The following TEAD1 variants were observed in gnomAD, a reference collection of about 807,000 sequenced individuals.
The protein encoded by TEAD1 is transcriptional enhancer factor TEF-1.
In TEAD1, 9 loss-of-function variants were observed where a neutral mutation model predicts 54.9. The ratio of observed to expected loss-of-function variants is 0.16; its 90% CI spans 0.10 to 0.29. TEAD1 has a LOEUF of 0.29. TEAD1 is among the 10% of genes least tolerant of loss of function. The pLI is 1.00. For synonymous variants in TEAD1, 200 were observed against 187.8 expected, an observed-to-expected ratio of 1.07 and a Z score of -0.53; for missense variants, 387 against 535.9, an observed-to-expected ratio of 0.72 and a Z score of 2.74.
intron 10 of TEAD1, among the ~76,000 whole-genome samples, chr11:12,912,895 A>G (rs1327862319): frequency 6.6e-6 from 1 of 152,092 alleles, no homozygotes; most frequent in Non-Finnish European, 1.5e-5. Context: ...TGTGATTGCT[A>G]AGAAAGCCCA....
intron 9 of TEAD1, among the ~76,000 whole-genome samples, chr11:12,891,945 C>A (rs1038910937): frequency 3.0e-4 from 46 of 152,260 alleles, no homozygotes; most frequent in African/African-American, 1.1e-3. Flanking sequence ...TGGCCCTTAT[C>A]TTTATTCCAA....
chr11:12,772,691 A>C (rs1044472253), intron 3 of TEAD1, among the ~76,000 whole-genome samples: 1 of 152,196 alleles, frequency 6.6e-6, no homozygotes, highest in African/African-American at 2.4e-5. Context: ...TCCTTTATGC[A>C]TGTTGCCCAT....
rs1031997413 is a variant in TEAD1, at chr11:12,931,984, T to C, written c.1167+1658T>C. Among the ~76,000 whole-genome samples, 4 of 152,110 alleles carry C rather than the reference T, an allele frequency of 2.6e-5. No homozygotes were observed. The East Asian group carries it at 7.7e-4, about 29-fold the overall frequency. On this transcript the variant is annotated intron_variant, in intron 12 of 12. Transcript: ENST00000527636. ...GGTAGAGACCCACTGCTGTAAGAGA[T>C]TGGGAAATGAGCCGCAAGGACTCTC...
intron 2 of TEAD1, among the ~76,000 whole-genome samples, chr11:12,712,925 G>A (rs575831094): frequency 6.6e-6 from 1 of 152,294 alleles, no homozygotes; most frequent in Non-Finnish European, 1.5e-5. Flanking sequence ...AAGCTAAGTT[G>A]GAAAGGTCTT....
intron 9 of TEAD1, among the ~76,000 whole-genome samples, chr11:12,889,490 C>A (rs1948154488): frequency 6.6e-6 from 1 of 152,136 alleles, no homozygotes; most frequent in Admixed American, 6.5e-5. Flanking sequence ...GTCTGGATGC[C>A]ATAGTGAGCA....
At chr11:12,896,811 A>G (rs544394089) in intron 9 of TEAD1, among the ~76,000 whole-genome samples, 1 of 152,332 alleles carries the variant, frequency 6.6e-6, no homozygotes, top group South Asian at 2.1e-4. Context: ...TGTAGGTTCT[A>G]TGAAGATGAG....
intron 3 of TEAD1, among the ~76,000 whole-genome samples, chr11:12,858,663 A>G (rs887464637): frequency 6.6e-5 from 10 of 152,214 alleles, no homozygotes; most frequent in African/African-American, 2.4e-4. Flanking sequence ...TGGGTTTTTG[A>G]AAAGTGAGCT....
chr11:12,928,066 C>T (rs1006240872), intron 11 of TEAD1, among the ~76,000 whole-genome samples: 4 of 152,104 alleles, frequency 2.6e-5, no homozygotes, highest in Admixed American at 2.0e-4. Flanking sequence ...AGCTGCAATA[C>T]GTTATCAAAT....
chr11:12,718,621 TGAA>T (rs1944115899), intron 2 of TEAD1, among the ~76,000 whole-genome samples: 1 of 152,218 alleles, frequency 6.6e-6, no homozygotes, highest in Admixed American at 6.5e-5. Context: ...AATTCAAGTT[TGAA>T]GTTGTGTAAT....
At chr11:12,685,298 A>G (rs1445577537) in intron 2 of TEAD1, among the ~76,000 whole-genome samples, 1 of 152,236 alleles carries the variant, frequency 6.6e-6, no homozygotes, top group African/African-American at 2.4e-5. Context: ...ACTTAGATTC[A>G]GGCAGGCTGA....
At chr11:12,820,723 A>AC (rs138983813) in intron 3 of TEAD1, among the ~76,000 whole-genome samples, 5,076 of 151,944 alleles carry the variant, frequency 0.033, 285 homozygotes, top group African/African-American at 0.11. Flanking sequence ...ACAAAGAAAA[A>AC]CCCTTGGCCT....
intron 2 of TEAD1, among the ~76,000 whole-genome samples, chr11:12,708,665 C>T (rs898023090): frequency 3.3e-5 from 5 of 152,110 alleles, no homozygotes; most frequent in Non-Finnish European, 7.3e-5. Context: ...GGGTGTTCCT[C>T]CGCACCATAA....
intron 2 of TEAD1, among the ~76,000 whole-genome samples, chr11:12,703,748 T>C (rs1006311693): frequency 2.0e-5 from 3 of 152,198 alleles, no homozygotes; most frequent in Admixed American, 1.3e-4. Context: ...AATTCAGTTA[T>C]TGCATCCCTT....
chr11:12,790,427 C>T (rs1945774373), intron 3 of TEAD1, among the ~76,000 whole-genome samples: 2 of 152,204 alleles, frequency 1.3e-5, no homozygotes, highest in Non-Finnish European at 2.9e-5. Context: ...ATCCCTTGGA[C>T]ACAGTAGGTA....
In TEAD1 at chr11:12,688,911, T is replaced by C. The variant is rs1466200445; in HGVS notation, c.-55+13350T>C. 2.6e-5 allele frequency among the ~76,000 whole-genome samples: 4 copies of C among 152,192 alleles called. No individual in the cohort carries two copies. In the East Asian group the frequency reaches 7.7e-4, roughly 29 times the overall value. ...CCCGAATAACATAGGCTGGTCTGAC[T>C]GGGGGTCATTTATTTGCCTTTTCGT... On this transcript the variant is annotated intron_variant, in intron 2 of 12. Transcript: ENST00000527636.
intron 10 of TEAD1, among the ~76,000 whole-genome samples, chr11:12,912,985 G>A (rs1211307704): frequency 2.0e-5 from 3 of 152,142 alleles, no homozygotes; most frequent in South Asian, 2.1e-4. Context: ...GCTAAGCCAC[G>A]ATCCCACCTG....
chr11:12,754,517 G>A (rs1203444903), intron 2 of TEAD1, among the ~76,000 whole-genome samples: 1 of 152,288 alleles, frequency 6.6e-6, no homozygotes, highest in South Asian at 2.1e-4. Flanking sequence ...ACTTCTGCCT[G>A]TTACAAACAA....
chr11:12,831,510 T>C (rs1230643164), intron 3 of TEAD1, among the ~76,000 whole-genome samples: 2 of 152,202 alleles, frequency 1.3e-5, no homozygotes. Flanking sequence ...TTTTTAAAAA[T>C]AGGGTTCTAG....
At chr11:12,928,782 C>G (rs1376881733) in intron 11 of TEAD1, among the ~76,000 whole-genome samples, 1 of 152,098 alleles carries the variant, frequency 6.6e-6, no homozygotes, top group Non-Finnish European at 1.5e-5. Context: ...TGGTGTATAA[C>G]ATGATGTTGT....
Sources: allele counts gnomAD v4.1 joint callset (sites outside exome capture counted in the v4.1 genomes callset), GRCh38; gene constraint gnomAD v4.1.1; transcripts MANE v1.5; gene names NCBI Gene and HGNC (gene_info 2026-07-23, HGNC 2026-07-21).